The following SEMA3A variants were observed in gnomAD, a reference collection of about 807,000 sequenced individuals.
SEMA3A encodes the protein semaphorin-3A.
A neutral mutation model predicts 97.9 loss-of-function variants in SEMA3A; 29 were observed. The ratio of observed to expected loss-of-function variants is 0.30; its 90% CI spans 0.22 to 0.40. The LOEUF is 0.40. SEMA3A is among the 10% of genes least tolerant of loss of function. SEMA3A has a pLI of 1.00. For synonymous variants in SEMA3A, 321 were observed against 323.7 expected (o/e 0.99, Z 0.09); for missense variants, 763 against 951.3 (o/e 0.80, Z 2.60).
intron 1 of SEMA3A, among the ~76,000 whole-genome samples, chr7:84,139,435 T>G (rs1455880460): frequency 1.3e-5 from 2 of 152,058 alleles, no homozygotes; most frequent in Non-Finnish European, 2.9e-5. Context: ...TATGTATTCT[T>G]AAATTTGGAA....
intron 3 of SEMA3A, among the ~76,000 whole-genome samples, chr7:84,257,106 G>A (rs1799734127): frequency 6.6e-6 from 1 of 151,920 alleles, no homozygotes; most frequent in Non-Finnish European, 1.5e-5. Context: ...TGAATCAAAT[G>A]GTAACAAGGG....
intron 1 of SEMA3A, among the ~76,000 whole-genome samples, chr7:84,475,799 A>G (rs972385445): frequency 1.3e-5 from 2 of 152,190 alleles, no homozygotes; most frequent in Non-Finnish European, 2.9e-5. Context: ...CTTGGATCAA[A>G]GCAAATTATT....
At chr7:84,436,295 C>T (rs1356543089) in intron 1 of SEMA3A, among the ~76,000 whole-genome samples, 2 of 152,088 alleles carry the variant, frequency 1.3e-5, no homozygotes, top group Non-Finnish European at 2.9e-5. Flanking sequence ...ACTAAGTCCT[C>T]AAAAGTAATT....
At chr7:84,142,485 G>A (rs147305696) in intron 1 of SEMA3A, among the ~76,000 whole-genome samples, 73 of 152,240 alleles carry the variant, frequency 4.8e-4, no homozygotes, top group African/African-American at 1.4e-3. Context: ...ATGATGTAGA[G>A]TTAAGATAAC....
chr7:84,369,465 CTTGT>C lies in SEMA3A; in HGVS notation c.-169+2355_-169+2358del, dbSNP rs542960203. 1.1e-4 allele frequency among the ~76,000 whole-genome samples: 17 copies of C among 151,146 alleles called. No individual in the cohort carries two copies. The East Asian group carries it at 2.7e-3, about 24-fold the overall frequency. ...TTCATAAATAGAAACTGAAATGTAG[CTTGT>C]TTAAGAGAGTTGCCATGAAGTGACA... On this transcript the variant is annotated intron_variant, in intron 2 of 3. Transcript: ENST00000424555.
chr7:84,446,500 A>G (rs1199934529), intron 1 of SEMA3A, among the ~76,000 whole-genome samples: 1 of 152,156 alleles, frequency 6.6e-6, no homozygotes, highest in Non-Finnish European at 1.5e-5. Context: ...TTCTTGGAAT[A>G]AAAAAATGGT....
At chr7:84,058,329 T>TA (rs1198646628) in intron 5 of SEMA3A, among the ~76,000 whole-genome samples, 1 of 152,172 alleles carries the variant, frequency 6.6e-6, no homozygotes, top group Admixed American at 6.5e-5. Flanking sequence ...AGACAGCTGT[T>TA]ACCCTTGTAT....
intron 1 of SEMA3A, among the ~76,000 whole-genome samples, chr7:84,444,618 G>C (rs1805358808): frequency 6.7e-6 from 1 of 148,254 alleles, no homozygotes; most frequent in African/African-American, 2.5e-5. Context: ...CTGGAGTACA[G>C]TGACGCGATC....
intron 1 of SEMA3A, among the ~76,000 whole-genome samples, chr7:84,407,630 C>T (rs1318375999): frequency 1.3e-5 from 2 of 151,094 alleles, no homozygotes; most frequent in Non-Finnish European, 3.0e-5. Context: ...ATCACCGTAC[C>T]TGACTTCAAA....
At chr7:84,178,044 C>G (rs1010297553) in intron 1 of SEMA3A, among the ~76,000 whole-genome samples, 1 of 152,084 alleles carries the variant, frequency 6.6e-6, no homozygotes, top group African/African-American at 2.4e-5. Flanking sequence ...TGTAGCCACA[C>G]TGAATGAAAT....
At chr7:84,427,922 A>G (rs1378507041) in intron 1 of SEMA3A, among the ~76,000 whole-genome samples, 2 of 152,108 alleles carry the variant, frequency 1.3e-5, no homozygotes, top group Non-Finnish European at 2.9e-5. Context: ...TATAGCATTG[A>G]TATAGTAGGT....
At chr7:84,040,662 T>C (rs1370732834) in intron 6 of SEMA3A, among the ~76,000 whole-genome samples, 1 of 152,060 alleles carries the variant, frequency 6.6e-6, no homozygotes, top group Non-Finnish European at 1.5e-5. Flanking sequence ...TCTTGCTTGA[T>C]GTCACTGCAC....
At chr7:84,048,724 G>C (rs1389876651) in intron 5 of SEMA3A, among the ~76,000 whole-genome samples, 1 of 151,834 alleles carries the variant, frequency 6.6e-6, no homozygotes, top group African/African-American at 2.4e-5. Context: ...TTTAATATCA[G>C]GATTTAGTCA....
At chr7:84,286,845 T>C (rs1321368497) in intron 3 of SEMA3A, among the ~76,000 whole-genome samples, 2 of 152,162 alleles carry the variant, frequency 1.3e-5, no homozygotes, top group Non-Finnish European at 2.9e-5. Context: ...ATTTGCATCA[T>C]TTAAAAATGC....
In SEMA3A at chr7:84,055,146, GCTGT is replaced by G. The variant is rs764541838; in HGVS notation, c.547+5315_547+5318del. 7.9e-4 allele frequency among the ~76,000 whole-genome samples: 120 copies of G among 152,178 alleles called. 1 individual carries two copies. Among genetic ancestry groups the G allele is most frequent in the Non-Finnish European group, 1.5e-3 (102 of 68,008 alleles). On this transcript the variant is annotated intron_variant, in intron 5 of 16. Transcript: ENST00000265362. ...GCCATTTAAGTCTGCAGAGGTTACT[GCTGT>G]CTTTTTGTTTGTCTGTGCCCTGCCC... is the stretch of plus-strand genomic sequence containing the variant.
intron 2 of SEMA3A, among the ~76,000 whole-genome samples, chr7:84,134,400 G>A (rs1393971764): frequency 6.6e-6 from 1 of 152,104 alleles, no homozygotes; most frequent in East Asian, 1.9e-4. Context: ...TTAGGCATGT[G>A]GGTAATGGAT....
chr7:84,443,178 C>G (rs1805314856), intron 1 of SEMA3A, among the ~76,000 whole-genome samples: 1 of 152,162 alleles, frequency 6.6e-6, no homozygotes, highest in South Asian at 2.1e-4. Flanking sequence ...CATATACATT[C>G]TTCTTAAGTG....
intron 6 of SEMA3A, among the ~76,000 whole-genome samples, chr7:84,036,271 T>C (rs917693433): frequency 1.1e-4 from 16 of 152,266 alleles, no homozygotes; most frequent in African/African-American, 3.8e-4. Context: ...TATAGATGTA[T>C]TAAGACTTCT....
At chr7:84,085,510 C>G (rs1198651390) in intron 4 of SEMA3A, among the ~76,000 whole-genome samples, 1 of 151,952 alleles carries the variant, frequency 6.6e-6, no homozygotes, top group Non-Finnish European at 1.5e-5. Context: ...AGGAACTGAA[C>G]TGAGGAATAT....
Sources: allele counts gnomAD v4.1 joint callset (sites outside exome capture counted in the v4.1 genomes callset), GRCh38; gene constraint gnomAD v4.1.1; transcripts MANE v1.5; gene names NCBI Gene and HGNC (gene_info 2026-07-23, HGNC 2026-07-21).